The following ESCO1 variants were observed in gnomAD, a reference collection of about 807,000 sequenced individuals.
ESCO1 encodes establishment of sister chromatid cohesion N-acetyltransferase 1.
In ESCO1, 33 loss-of-function variants were observed where a neutral mutation model predicts 83.5. The observed-to-expected ratio is 0.40, with a 90% CI of 0.30 to 0.53. The LOEUF is 0.53. Among genes scored for constraint, ESCO1 ranks in the 20% least tolerant of loss-of-function variants. The pLI is 0.63. For synonymous variants in ESCO1, 332 were observed against 324.3 expected, an observed-to-expected ratio of 1.02 and a Z score of -0.25; for missense variants, 855 against 968.0, an observed-to-expected ratio of 0.88 and a Z score of 1.55.
At chr18:21,535,977 AT>A (rs2037831764) in intron 10 of ESCO1, 64 bp downstream of exon 10, 2 of 1,550,462 alleles carry the variant, frequency 1.3e-6, no homozygotes, top group African/African-American at 2.7e-5. Flanking sequence ...GATTTATGTT[AT>A]TTGGGATTAC....
chr18:21,586,226 C>CT (rs1467719319), intron 1 of ESCO1, among the ~76,000 whole-genome samples: 1 of 152,212 alleles, frequency 6.6e-6, no homozygotes, highest in Non-Finnish European at 1.5e-5. Context: ...ATGCTACTCT[C>CT]TACCTCCATG....
At chr18:21,600,303 T>C (rs1178817542) in intron 1 of ESCO1, among the ~76,000 whole-genome samples, 3 of 152,226 alleles carry the variant, frequency 2.0e-5, no homozygotes, top group Non-Finnish European at 4.4e-5. Context: ...CTCGCGGCAG[T>C]GCTGGGAACT....
intron 1 of ESCO1, among the ~76,000 whole-genome samples, chr18:21,596,307 T>G (rs890665961): frequency 1.1e-4 from 16 of 151,876 alleles, no homozygotes; most frequent in African/African-American, 3.4e-4. Context: ...TTTAAGAGTA[T>G]AAGGGGATCC....
intron 8 of ESCO1, chr18:21,540,533 A>T: frequency 7.8e-7 from 1 of 1,277,518 alleles, no homozygotes; most frequent in Non-Finnish European, 1.0e-6. Context: ...TATTGATCAC[A>T]ACTACCAAAG....
chr18:21,557,799 C>A (rs1162009204), intron 8 of ESCO1, among the ~76,000 whole-genome samples: 1 of 152,100 alleles, frequency 6.6e-6, no homozygotes, highest in African/African-American at 2.4e-5. Context: ...GGCCTTGCAA[C>A]GTGGCTCAAT....
intron 2 of ESCO1, among the ~76,000 whole-genome samples, chr18:21,579,781 C>T (rs960684700): frequency 1.1e-4 from 5 of 45,772 alleles, no homozygotes; most frequent in African/African-American, 3.3e-4. Flanking sequence ...GACACACACA[C>T]ACACGCGCGC....
rs112514365 is a variant in ESCO1, at chr18:21,590,122, C to T, written c.-824-5682G>A. On this transcript the variant is annotated intron_variant, in intron 1 of 11. Transcript: ENST00000269214. ...GATTACAGGCATGAGCCACTGCGTC[C>T]GGCCGCAAGTCCATCATGTCAGTTA... Among the ~76,000 whole-genome samples the T allele has an allele frequency of 1.5e-4, 23 of 152,044 alleles. 1 individual carries two copies. Among genetic ancestry groups the T allele is most frequent in the African/African-American group, 4.8e-4 (20 of 41,456 alleles).
intron 10 of ESCO1, among the ~76,000 whole-genome samples, chr18:21,533,873 A>G (rs978350754): frequency 1.3e-5 from 2 of 152,198 alleles, no homozygotes; most frequent in African/African-American, 2.4e-5. Context: ...AGCACTATAT[A>G]ATAATTTCAG....
chr18:21,545,457 C>T (rs2037961403), intron 8 of ESCO1, among the ~76,000 whole-genome samples: 1 of 151,318 alleles, frequency 6.6e-6, no homozygotes, highest in African/African-American at 2.4e-5. Flanking sequence ...CCTGTAATCC[C>T]AGCTACTCAG....
intron 1 of ESCO1, among the ~76,000 whole-genome samples, chr18:21,588,810 G>A (rs1409654621): frequency 6.6e-6 from 1 of 152,036 alleles, no homozygotes; most frequent in Non-Finnish European, 1.5e-5. Context: ...CATCTACTTG[G>A]GAGGCTGAGG....
chr18:21,556,955 A>G (rs962918324), intron 8 of ESCO1, among the ~76,000 whole-genome samples: 1 of 152,088 alleles, frequency 6.6e-6, no homozygotes, highest in African/African-American at 2.4e-5. Context: ...CCCCCTCGGC[A>G]TCCCAAAGTG....
Position 21,574,579 on chromosome 18 carries a change from T to C in ESCO1, c.265A>G (p.Thr89Ala). 1 of 1,614,094 alleles carries C rather than the reference T, an allele frequency of 6.2e-7. No homozygotes were observed. Among genetic ancestry groups the C allele is most frequent in the East Asian group, 2.2e-5 (1 of 44,864 alleles). Residue 89 changes from threonine (T) to alanine (A), a missense_variant, in exon 4 of 12, where the codon ACT becomes GCT. Coordinates refer to ENST00000269214, the MANE Select transcript of ESCO1 (RefSeq NM_052911.3). ...GATTCTTGTGAATATCCCCTCACAG[T>C]CACCGTATTTTTATTAATGGATTTA... ...ATKSINKNTV[T>A]VRGYSQESTK...
rs190752948 is a variant in ESCO1, at chr18:21,595,048, T to C, written c.-825+5575A>G. Reference sequence around the variant, plus strand: ...TTTTTGTAGAGACGGGGTTTCGCCATGTTGCCCAGGCTGGTCTCGAACTCC... The same window carrying C: ...TTTTTGTAGAGACGGGGTTTCGCCACGTTGCCCAGGCTGGTCTCGAACTCC... On this transcript the variant is annotated intron_variant, in intron 1 of 11. Coordinates refer to ENST00000269214, the MANE Select transcript of ESCO1 (RefSeq NM_052911.3). 3.1e-3 allele frequency among the ~76,000 whole-genome samples: 465 copies of C among 151,674 alleles called. 3 individuals carry two copies. The highest frequency in any genetic ancestry group is 3.1e-3 in the Non-Finnish European group (211 of 67,938).
rs1388124056 is a variant in ESCO1 at position 21,550,966 on chromosome 18, G to A, written c.1953+9893C>T. ...CCTCTACTAAAAATACAAAAAATTA[G>A]CCGGGCATGGTGGCAGGAGCCTGTA... On this transcript the variant is annotated intron_variant, in intron 8 of 11. Transcript: ENST00000269214. Among the ~76,000 whole-genome samples, 2 of 151,872 alleles carry A rather than the reference G, an allele frequency of 1.3e-5. 1 individual carries two copies. The highest frequency in any genetic ancestry group is 3.9e-4 in the East Asian group (2 of 5,160).
rs2038286276 is a variant in ESCO1, at chr18:21,568,024, A to G, written c.1601T>C (p.Leu534Pro). 2 of 1,613,792 alleles carry G rather than the reference A, an allele frequency of 1.2e-6. No homozygotes were observed. The highest frequency in any genetic ancestry group is 1.1e-5 in the South Asian group (1 of 91,060). ...PVENVTAAST[L>P]LSQAKIDTGE... is the part of the protein sequence containing the mutation. ...TGTATCAATTTTTGCTTGACTGAGC[A>G]GAGTCGAAGCAGCAGTAACATTTTC... is the stretch of plus-strand genomic sequence containing the variant. The change falls in exon 5 of 12, where the codon CTG (leucine) becomes CCG (proline). Residue 534 changes from leucine to proline, a missense_variant. Around this residue, in one of 2 missense-constraint regions of ESCO1, gnomAD observed 726 missense variants for 699.5 expected, o/e 1.04. Transcript: ENST00000269214.
chr18:21,553,449 TAAAAA>T (rs59086552), intron 8 of ESCO1, among the ~76,000 whole-genome samples: 58,451 of 116,952 alleles, frequency 0.5, 17,149 homozygotes, highest in Non-Finnish European at 0.67. Context: ...CTATTTTTAT[TAAAAA>T]AAAAAAAAAA....
At chr18:21,537,476 A>G (rs2037851430) in intron 9 of ESCO1, among the ~76,000 whole-genome samples, 1 of 152,198 alleles carries the variant, frequency 6.6e-6, no homozygotes, top group Non-Finnish European at 1.5e-5. Flanking sequence ...TTGAGGTTAC[A>G]GTGAGCTATG....
chr18:21,573,507 C>T lies in ESCO1; in HGVS notation c.1337G>A (p.Arg446Lys). ...STFLGTKLHD[R>K]NITCQQEKMK... is the part of the protein sequence containing the mutation. Reference sequence around the variant, plus strand: ...TTTTTCCTGCTGGCAAGTTATATTTCTATCATGTAGCTTTGTCCCTAAAAA... The same window carrying T: ...TTTTTCCTGCTGGCAAGTTATATTTTTATCATGTAGCTTTGTCCCTAAAAA... The change falls in exon 4 of 12, where the codon AGA (arginine) becomes AAA (lysine). Residue 446 changes from arginine (R) to lysine (K), a missense_variant. Arg to Lys is a conservative substitution (Grantham distance 26). Transcript: ENST00000269214. The T allele has an allele frequency of 1.2e-6, 2 of 1,612,860 alleles. No individual in the cohort carries two copies.
intron 10 of ESCO1, among the ~76,000 whole-genome samples, chr18:21,535,115 G>A (rs910611956): frequency 2.6e-5 from 4 of 152,114 alleles, no homozygotes; most frequent in Admixed American, 1.3e-4. Context: ...ACTCTAGTTC[G>A]CCTAGCCTTG....
Sources: gnomAD v4.1 joint callset for allele counts (sites outside exome capture counted in the v4.1 genomes callset) on GRCh38, gnomAD v4.1.1 for gene constraint, gnomAD v4.1.1 regional missense constraint, MANE v1.5 for transcripts, NCBI Gene and HGNC (gene_info 2026-07-23, HGNC 2026-07-21) for gene names.